Variants in GUCY1B1 observed in about 807,000 individuals in gnomAD.
GUCY1B1 encodes guanylate cyclase 1 soluble subunit beta 1.
GUCY1B1 carries 43 observed loss-of-function variants against 71.0 expected under a neutral mutation model. The observed-to-expected ratio is 0.61, with a 90% CI of 0.47 to 0.78. GUCY1B1 has a LOEUF of 0.78. Ranked by LOEUF, GUCY1B1 falls within the 30% of genes least tolerant of loss-of-function variation. The probability of loss-of-function intolerance (pLI) is 0.00; values close to 1 mark genes in which losing one functional copy is unlikely to be tolerated. For synonymous variants in GUCY1B1, 266 were observed against 259.7 expected, an observed-to-expected ratio of 1.02 and a Z score of -0.23; for missense variants, 535 against 754.1, an observed-to-expected ratio of 0.71 and a Z score of 3.40.
At chr4:155,772,214 A>C (rs986148710) in intron 2 of GUCY1B1, among the ~76,000 whole-genome samples, 2 of 152,198 alleles carry the variant, frequency 1.3e-5, no homozygotes, top group African/African-American at 2.4e-5. Context: ...TATGTTTGGA[A>C]AAAGGGAGAA....
chr4:155,783,879 A>G (rs767209328), intron 4 of GUCY1B1, among the ~76,000 whole-genome samples: 23 of 152,166 alleles, frequency 1.5e-4, no homozygotes, highest in Admixed American at 2.6e-4. Flanking sequence ...CACAACGCCA[A>G]TTTCTATAAT....
intron 1 of GUCY1B1, chr4:155,759,400 G>C (rs960201881): frequency 1.8e-6 from 1 of 546,340 alleles, no homozygotes; most frequent in Non-Finnish European, 3.2e-6. Context: ...CTCGGGAAGG[G>C]GAGGTGCGGC....
intron 2 of GUCY1B1, chr4:155,772,579 C>T: frequency 1.7e-6 from 1 of 599,212 alleles, no homozygotes; most frequent in South Asian, 1.9e-5. Flanking sequence ...ACCACACCTG[C>T]CTAATTTTTT....
intron 2 of GUCY1B1, among the ~76,000 whole-genome samples, chr4:155,771,608 T>C (rs1044042308): frequency 2.1e-4 from 32 of 152,344 alleles, no homozygotes; most frequent in African/African-American, 7.0e-4. Flanking sequence ...AAAATTTTAA[T>C]CTATAGATCA....
At chr4:155,764,263 C>G (rs1431726514) in intron 2 of GUCY1B1, among the ~76,000 whole-genome samples, 1 of 152,146 alleles carries the variant, frequency 6.6e-6, no homozygotes, top group Non-Finnish European at 1.5e-5. Flanking sequence ...AGTAAGGATA[C>G]TTTATATTAT....
Position 155,775,079 on chromosome 4 carries a change from T to A in GUCY1B1, c.178+11T>A, listed in dbSNP as rs1737951091. On this transcript the variant is annotated intron_variant, in intron 3 of 13. Transcript: ENST00000264424. ...CAAGCAAAGTCCTCAGTAAGTTGAA[T>A]GCAACTTTCCTTCTTTGGCCAAGTT... 7.0e-7 allele frequency: 1 copy of A among 1,424,270 alleles called. No individual in the cohort carries two copies. Among genetic ancestry groups the A allele is most frequent in the Non-Finnish European group, 9.9e-7 (1 of 1,007,896 alleles). 88.2% of individuals were successfully genotyped at this position (1,424,270 alleles called of 1,614,324 possible). A position where few individuals can be genotyped will look rare whatever the true frequency, so the allele number is the denominator to read the frequency against.
At position 155,803,620 on chromosome 4, in the gene GUCY1B1, T is replaced by C. The variant is rs1290235506; in HGVS notation, c.1414-4T>C. 6.4e-7 allele frequency: 1 copy of C among 1,568,476 alleles called. No individual in the cohort carries two copies. The highest frequency in any genetic ancestry group is 1.2e-5 in the South Asian group (1 of 84,124). ...CGTGAACATCTAAATATATGTACTGTTAGGTGGAGACTGTTGGTGACAAGT... is the reference window on the plus strand; with the variant it reads ...CGTGAACATCTAAATATATGTACTGCTAGGTGGAGACTGTTGGTGACAAGT... On this transcript the variant is annotated splice_region_variant and splice_polypyrimidine_tract_variant and intron_variant, in intron 10 of 13. Coordinates refer to ENST00000264424, the MANE Select transcript of GUCY1B1 (RefSeq NM_000857.5).
chr4:155,770,939 A>G (rs969038625), intron 2 of GUCY1B1, among the ~76,000 whole-genome samples: 1 of 152,254 alleles, frequency 6.6e-6, no homozygotes, highest in South Asian at 2.1e-4. Flanking sequence ...TTTGTTATAT[A>G]TCATGTTTAT....
intron 9 of GUCY1B1, among the ~76,000 whole-genome samples, chr4:155,801,286 C>T (rs1237719447): frequency 6.6e-6 from 1 of 152,076 alleles, no homozygotes; most frequent in Non-Finnish European, 1.5e-5. Context: ...TGCACCATTT[C>T]GAGTTACTGT....
intron 2 of GUCY1B1, among the ~76,000 whole-genome samples, chr4:155,771,156 A>C (rs1737671677): frequency 6.6e-6 from 1 of 152,234 alleles, no homozygotes; most frequent in Non-Finnish European, 1.5e-5. Flanking sequence ...ATAGAGTCCT[A>C]AGTACTTTGA....
intron 5 of GUCY1B1, among the ~76,000 whole-genome samples, chr4:155,791,548 G>A (rs1739169148): frequency 6.7e-6 from 1 of 148,590 alleles, no homozygotes; most frequent in Non-Finnish European, 1.5e-5. Context: ...GGCTAACACG[G>A]TGAAACCCCG....
At chr4:155,799,325 GAAGT>G (rs1393842056) in intron 8 of GUCY1B1, among the ~76,000 whole-genome samples, 3 of 152,212 alleles carry the variant, frequency 2.0e-5, no homozygotes, top group Non-Finnish European at 4.4e-5. Context: ...ATGAGAGCCA[GAAGT>G]AAGAATGACA....
chr4:155,761,411 G>T (rs1172872085), intron 2 of GUCY1B1, among the ~76,000 whole-genome samples: 1 of 152,002 alleles, frequency 6.6e-6, no homozygotes, highest in Non-Finnish European at 1.5e-5. Context: ...TCCCAAATTT[G>T]CTGGTAGATA....
intron 4 of GUCY1B1, among the ~76,000 whole-genome samples, chr4:155,787,983 T>C (rs947528849): frequency 2.0e-5 from 3 of 152,260 alleles, no homozygotes; most frequent in African/African-American, 7.2e-5. Context: ...TTTGTTGTTT[T>C]TCTTTTCTTC....
intron 4 of GUCY1B1, among the ~76,000 whole-genome samples, chr4:155,786,271 CTTTTTTTTTTTT>C (rs33996424): frequency 8.1e-6 from 1 of 123,780 alleles, no homozygotes; most frequent in Admixed American, 8.8e-5. Flanking sequence ...GTTCAATTTC[CTTTTTTTTTTTT>C]TTTTTTTTGA....
At chr4:155,770,350 G>C (rs1737616357) in intron 2 of GUCY1B1, among the ~76,000 whole-genome samples, 1 of 152,096 alleles carries the variant, frequency 6.6e-6, no homozygotes, top group Admixed American at 6.6e-5. Flanking sequence ...AGAGTGCTGG[G>C]AAATGGTTAT....
chr4:155,782,643 C>T (rs770450861), intron 4 of GUCY1B1, among the ~76,000 whole-genome samples: 34 of 152,156 alleles, frequency 2.2e-4, no homozygotes, highest in Admixed American at 1.3e-3. Flanking sequence ...CTCTTCCTTG[C>T]GGGAGGTAAA....
intron 8 of GUCY1B1, among the ~76,000 whole-genome samples, chr4:155,797,762 T>TAATAATAATA (rs1412362798): frequency 1.3e-5 from 2 of 149,346 alleles, no homozygotes; most frequent in Non-Finnish European, 3.0e-5. Context: ...ATAATAATAA[T>TAATAATAATA]ATATCGTTAA....
intron 5 of GUCY1B1, 64 bp from the exon 6 acceptor site, chr4:155,793,792 A>G (rs1242995672): frequency 5.4e-6 from 4 of 740,904 alleles, no homozygotes; most frequent in Non-Finnish European, 7.1e-6. Flanking sequence ...CATTTTTTAT[A>G]TTTAGGTATT....
Sources: gnomAD v4.1 joint callset for allele counts (sites outside exome capture counted in the v4.1 genomes callset) on GRCh38, gnomAD v4.1.1 for gene constraint, MANE v1.5 for transcripts, NCBI Gene and HGNC (gene_info 2026-07-23, HGNC 2026-07-21) for gene names.